Variants in JAKMIP3 observed in about 807,000 individuals in gnomAD.
The protein encoded by JAKMIP3 is janus kinase and microtubule-interacting protein 3.
Under a neutral mutation model 118.5 loss-of-function variants are expected in JAKMIP3, and 58 were observed. The ratio of observed to expected loss-of-function variants is 0.49; its 90% CI spans 0.40 to 0.61. The LOEUF (loss-of-function observed/expected upper bound fraction) is 0.61, where lower values mean the gene tolerates loss of function less well. JAKMIP3 is among the 20% of genes least tolerant of loss of function. The pLI is 0.00. For synonymous variants in JAKMIP3, 486 were observed against 451.2 expected (o/e 1.08, Z -0.98); for missense variants, 950 against 1,109.0 (o/e 0.86, Z 2.04).
chr10:132,178,622 C>T (rs1165191716), intron 23 of JAKMIP3, among the ~76,000 whole-genome samples: 1 of 152,180 alleles, frequency 6.6e-6, no homozygotes, highest in African/African-American at 2.4e-5. Context: ...GAGCAAGGAT[C>T]CAGACTGCAG....
intron 1 of JAKMIP3, among the ~76,000 whole-genome samples, chr10:132,053,930 G>C (rs550752172): frequency 6.6e-6 from 1 of 152,024 alleles, no homozygotes; most frequent in African/African-American, 2.4e-5. Context: ...CCAGCTACTC[G>C]GGTGGGGGCT....
Position 132,145,161 on chromosome 10 carries a change from C to T in JAKMIP3, c.1657C>T (p.Leu553=). Residue 553 remains leucine (L), a synonymous_variant, in exon 12 of 24, where the codon CTG becomes TTG. Transcript: ENST00000684848. ...GAGGGCACAGGCGCGGATAGAGGAC[C>T]TGGAGAAGGCCCTGGCGGAGCAGGG... ...VQRAQARIED[L]EKALAEQGQD... 6.2e-7 allele frequency: 1 copy of T among 1,612,144 alleles called. No individual in the cohort carries two copies.
intron 3 of JAKMIP3, among the ~76,000 whole-genome samples, chr10:132,131,638 G>A (rs561170310): frequency 3.3e-5 from 5 of 152,184 alleles, no homozygotes; most frequent in South Asian, 2.1e-4. Context: ...AGAGGACACA[G>A]GGCGGCCGTT....
chr10:132,056,293 C>T (rs1442816009), intron 1 of JAKMIP3, among the ~76,000 whole-genome samples: 1 of 152,194 alleles, frequency 6.6e-6, no homozygotes, highest in Non-Finnish European at 1.5e-5. Context: ...GGGTGCAGCC[C>T]ATCCCCAGCG....
chr10:132,182,354 CAG>C lies in JAKMIP3; in HGVS notation c.*1106_*1107del, dbSNP rs1162254599. On this transcript the variant is annotated splice_acceptor_variant, in intron 23 of 23. Coordinates refer to ENST00000684848, the MANE Select transcript of JAKMIP3 (RefSeq NM_001323087.2). LOFTEE classifies it low-confidence loss of function (3UTR_SPLICE). ...AAACGGCGTTTTCTCCACTCTTTTT[CAG>C]AGAGGAAGCAGTGCATTGGTGAAGG... 1 of 152,234 alleles carries C rather than the reference CAG, an allele frequency of 6.6e-6. No homozygotes were observed. Among genetic ancestry groups the C allele is most frequent in the Non-Finnish European group, 1.5e-5 (1 of 68,042 alleles). 9.4% of individuals were successfully genotyped at this position (152,234 alleles called of 1,614,324 possible). A position where few individuals can be genotyped will look rare whatever the true frequency, so the allele number is the denominator to read the frequency against.
chr10:132,132,053 C>T lies in JAKMIP3; in HGVS notation c.634-1259C>T, dbSNP rs539375051. On this transcript the variant is annotated intron_variant, in intron 3 of 23. Coordinates refer to ENST00000684848, the MANE Select transcript of JAKMIP3 (RefSeq NM_001323087.2). ...GCTGATGGACACGCTCTTATTTCAC[C>T]GGCCCCATTCCTGCTAACTGACTGT... Among the ~76,000 whole-genome samples the T allele has an allele frequency of 4.4e-4, 67 of 152,316 alleles. 1 individual carries two copies. The highest frequency in any genetic ancestry group is 4.1e-4 in the South Asian group (2 of 4,822).
intron 21 of JAKMIP3, among the ~76,000 whole-genome samples, chr10:132,166,418 G>C (rs949333153): frequency 2.0e-5 from 3 of 152,116 alleles, no homozygotes; most frequent in African/African-American, 7.2e-5. Flanking sequence ...TTTCTCTCGT[G>C]TCCAGATGGG....
chr10:132,156,877 AT>A (rs544459747), intron 19 of JAKMIP3, among the ~76,000 whole-genome samples: 6 of 152,122 alleles, frequency 3.9e-5, no homozygotes, highest in African/African-American at 9.6e-5. Flanking sequence ...TTAATATTGC[AT>A]TTTTTTTCTG....
intron 2 of JAKMIP3, 56 bp downstream of exon 2, chr10:132,104,999 G>A (rs1196699912): frequency 8.4e-6 from 13 of 1,540,134 alleles, no homozygotes; most frequent in South Asian, 1.2e-5. Flanking sequence ...CCTCCCCTGG[G>A]GCCCAGAGGC....
intron 1 of JAKMIP3, among the ~76,000 whole-genome samples, chr10:132,046,434 T>G (rs1159913819): frequency 6.7e-6 from 1 of 149,490 alleles, no homozygotes; most frequent in African/African-American, 2.5e-5. Flanking sequence ...CCAGCCTGGG[T>G]GACAGAGCAA....
chr10:132,123,808 T>C (rs1434815438), intron 3 of JAKMIP3, among the ~76,000 whole-genome samples: 1 of 152,238 alleles, frequency 6.6e-6, no homozygotes, highest in African/African-American at 2.4e-5. Flanking sequence ...CACAGCCAGA[T>C]GCAGCATCGG....
chr10:132,136,146 C>T, intron 6 of JAKMIP3, 70 bp downstream of exon 6: 1 of 1,530,484 alleles, frequency 6.5e-7, no homozygotes, highest in Non-Finnish European at 9.0e-7. Flanking sequence ...CTCCCTTCTC[C>T]ACGCAAGATT....
At chr10:132,133,150 C>T (rs1446671355) in intron 3 of JAKMIP3, among the ~76,000 whole-genome samples, 162 bp from the exon 4 acceptor site, 1 of 152,188 alleles carries the variant, frequency 6.6e-6, no homozygotes, top group Non-Finnish European at 1.5e-5. Flanking sequence ...GCCCGGGTGT[C>T]GTGCCTCAGC....
rs372458141 is a variant in JAKMIP3 at position 132,131,673 on chromosome 10, T to C, written c.634-1639T>C. Among the ~76,000 whole-genome samples, 11 of 152,118 alleles carry C rather than the reference T, an allele frequency of 7.2e-5. No individual in the cohort carries two copies. In the East Asian group the frequency reaches 1.5e-3, roughly 21 times the overall value. On this transcript the variant is annotated intron_variant, in intron 3 of 23. Transcript: ENST00000684848. Reference sequence around the variant, plus strand: ...TTGGAAGCCATAGCATTCGTCCCAGTGGAAGATGCTGGCAGTGGGGTGATG... The same window carrying C: ...TTGGAAGCCATAGCATTCGTCCCAGCGGAAGATGCTGGCAGTGGGGTGATG...
At chr10:132,070,803 C>G (rs1326633160) in intron 1 of JAKMIP3, among the ~76,000 whole-genome samples, 1 of 152,202 alleles carries the variant, frequency 6.6e-6, no homozygotes, top group Non-Finnish European at 1.5e-5. Flanking sequence ...CTGGCTGGAG[C>G]AAACTCAGGA....
intron 16 of JAKMIP3, among the ~76,000 whole-genome samples, chr10:132,151,576 A>G (rs1174453538): frequency 2.0e-5 from 3 of 152,236 alleles, no homozygotes; most frequent in Non-Finnish European, 2.9e-5. Flanking sequence ...TATCAGCCCC[A>G]TCATGAGGTC....
chr10:132,163,261 G>T lies in JAKMIP3; in HGVS notation c.2273G>T (p.Gly758Val). 1.9e-6 allele frequency: 3 copies of T among 1,587,354 alleles called. No homozygotes were observed. Among genetic ancestry groups the T allele is most frequent in the Non-Finnish European group, 2.6e-6 (3 of 1,167,814 alleles). Residue 758 changes from glycine to valine, a missense_variant, in exon 20 of 24, where the codon GGG becomes GTG. By Grantham distance (109) the Gly-to-Val change is moderately radical (BLOSUM62 -3). Transcript: ENST00000684848. ...TATGATGCCCTGCAGCAGGAGGCCG[G>T]GGCTAAGGTGGCTGAGCTGCTGTCA... ...MLYDALQQEA[G>V]AKVAELLSEE... is the part of the protein sequence containing the mutation.
At chr10:132,109,595 A>G (rs1327501750) in intron 2 of JAKMIP3, among the ~76,000 whole-genome samples, 1 of 152,160 alleles carries the variant, frequency 6.6e-6, no homozygotes, top group Non-Finnish European at 1.5e-5. Context: ...GAGGGCCCTG[A>G]GGATCCTGAG....
Position 132,163,205 on chromosome 10 carries a change from C to T in JAKMIP3, c.2221-4C>T, listed in dbSNP as rs1165477363. ...GGACTAAGGCGTCTCCCCTTCCGCC[C>T]CAGCACATCCTGGAGCTGGAAGCCA... On this transcript the variant is annotated splice_region_variant and splice_polypyrimidine_tract_variant and intron_variant, in intron 19 of 23. Transcript: ENST00000684848. The T allele has an allele frequency of 1.3e-6, 2 of 1,554,514 alleles. No homozygotes were observed. Among genetic ancestry groups the T allele is most frequent in the Non-Finnish European group, 1.7e-6 (2 of 1,149,376 alleles).
Sources: allele counts gnomAD v4.1 joint callset (sites outside exome capture counted in the v4.1 genomes callset), GRCh38; gene constraint gnomAD v4.1.1; transcripts MANE v1.5; gene names NCBI Gene and HGNC (gene_info 2026-07-23, HGNC 2026-07-21).